SLC9A9: variants seen among roughly 807,000 people sequenced by gnomAD.
SLC9A9 encodes the protein solute carrier family 9 member A9, also known as sodium/hydrogen exchanger 9.
A neutral mutation model predicts 77.8 loss-of-function variants in SLC9A9; 62 were observed. The observed-to-expected ratio is 0.80, with a 90% CI of 0.65 to 0.98. The LOEUF is 0.98. Among genes scored for constraint, SLC9A9 ranks in the 50% least tolerant of loss-of-function variants. The pLI is 0.00. For synonymous variants in SLC9A9, 320 were observed against 283.5 expected (o/e 1.13, Z -1.29); for missense variants, 775 against 774.9 (o/e 1.00, Z 0.00).
At chr3:143,379,930 T>A (rs2033265836) in intron 13 of SLC9A9, among the ~76,000 whole-genome samples, 1 of 152,164 alleles carries the variant, frequency 6.6e-6, no homozygotes, top group African/African-American at 2.4e-5. Context: ...ATGTTACTAT[T>A]ATATGTGGTG....
chr3:143,440,572 G>A (rs1410537679), intron 12 of SLC9A9, among the ~76,000 whole-genome samples: 1 of 152,154 alleles, frequency 6.6e-6, no homozygotes, highest in African/African-American at 2.4e-5. Context: ...CATGGCTCAC[G>A]ATGCTCTTCA....
Position 143,608,639 on chromosome 3 carries a change from T to C in SLC9A9, c.756-29916A>G, listed in dbSNP as rs188469261. On this transcript the variant is annotated intron_variant, in intron 6 of 15. Transcript: ENST00000316549. ...GTACTGGTAGCTAAATGCAATGTAATTGAAACATATAAGTACAGTATAATA... is the reference window on the plus strand; with the variant it reads ...GTACTGGTAGCTAAATGCAATGTAACTGAAACATATAAGTACAGTATAATA... Among the ~76,000 whole-genome samples the C allele has an allele frequency of 3.0e-3, 460 of 152,298 alleles. 2 individuals carry two copies. The highest frequency in any genetic ancestry group is 9.4e-3 in the African/African-American group (392 of 41,570).
intron 4 of SLC9A9, among the ~76,000 whole-genome samples, chr3:143,775,411 T>C (rs2108843046): frequency 6.6e-6 from 1 of 152,356 alleles, no homozygotes; most frequent in Middle Eastern, 3.4e-3. Context: ...AGTTAATACC[T>C]AAGTCAACTC....
intron 5 of SLC9A9, among the ~76,000 whole-genome samples, chr3:143,672,078 A>C (rs547134782): frequency 6.6e-6 from 1 of 152,232 alleles, no homozygotes; most frequent in Non-Finnish European, 1.5e-5. Context: ...ATAATATGGC[A>C]TAAAACCATC....
intron 4 of SLC9A9, among the ~76,000 whole-genome samples, chr3:143,713,813 T>G (rs192598506): frequency 4.1e-4 from 62 of 152,246 alleles, no homozygotes; most frequent in African/African-American, 1.5e-3. Flanking sequence ...AAACTAAAAC[T>G]TTATGGTTTT....
chr3:143,353,413 G>T (rs182052604), intron 14 of SLC9A9, among the ~76,000 whole-genome samples: 1 of 152,308 alleles, frequency 6.6e-6, no homozygotes, highest in East Asian at 1.9e-4. Flanking sequence ...AGAGGCCTAA[G>T]AGAGCTTGTT....
At chr3:143,827,050 T>C (rs2009317877) in intron 2 of SLC9A9, among the ~76,000 whole-genome samples, 1 of 152,230 alleles carries the variant, frequency 6.6e-6, no homozygotes, top group Non-Finnish European at 1.5e-5. Context: ...GTTGAAAGAA[T>C]AAATGAATGA....
chr3:143,493,707 G>A lies in SLC9A9; in HGVS notation c.1261C>T (p.Leu421=). The A allele has an allele frequency of 2.5e-6, 4 of 1,614,118 alleles. No homozygotes were observed. Among genetic ancestry groups the A allele is most frequent in the Non-Finnish European group, 3.4e-6 (4 of 1,179,966 alleles). The change falls in exon 11 of 16, where the codon CTA becomes TTA. Residue 421 remains leucine, a synonymous_variant. Coordinates refer to ENST00000316549, the MANE Select transcript of SLC9A9 (RefSeq NM_173653.4). ...NIYPLSFLLN[L]GRKQKIPWNF... ...CAGGGGATCTTCTGTTTTCGGCCTA[G>A]ATTCAGGAGGAAGGAGAGGGGATAT...
chr3:143,281,312 G>C (rs993092464), intron 14 of SLC9A9, among the ~76,000 whole-genome samples: 2 of 152,108 alleles, frequency 1.3e-5, no homozygotes, highest in Non-Finnish European at 2.9e-5. Flanking sequence ...GAGCCACTAA[G>C]AGTTTAGAAA....
At chr3:143,300,778 G>A (rs1166524914) in intron 14 of SLC9A9, among the ~76,000 whole-genome samples, 1 of 152,212 alleles carries the variant, frequency 6.6e-6, no homozygotes, top group Non-Finnish European at 1.5e-5. Context: ...AGCCAAGTTG[G>A]AGTACCACTC....
chr3:143,417,291 C>T (rs2034212817), intron 12 of SLC9A9, among the ~76,000 whole-genome samples: 1 of 152,090 alleles, frequency 6.6e-6, no homozygotes, highest in Admixed American at 6.5e-5. Context: ...AATGCCCCTA[C>T]TATGGACTGA....
intron 13 of SLC9A9, among the ~76,000 whole-genome samples, chr3:143,375,379 G>A (rs1553748527): frequency 6.6e-6 from 1 of 152,156 alleles, no homozygotes; most frequent in Non-Finnish European, 1.5e-5. Context: ...TCATACACCT[G>A]TTTTTTAGGA....
chr3:143,431,671 TG>T (rs2034519956), intron 12 of SLC9A9, among the ~76,000 whole-genome samples: 1 of 151,958 alleles, frequency 6.6e-6, no homozygotes, highest in Admixed American at 6.6e-5. Flanking sequence ...TTAATAGATA[TG>T]GGGTTTTACC....
intron 2 of SLC9A9, 147 bp downstream of exon 2, chr3:143,831,872 C>G (rs1263352524): frequency 1.4e-6 from 1 of 725,354 alleles, no homozygotes; most frequent in East Asian, 2.7e-5. Context: ...GGTTTGACTC[C>G]TTAGTCAATT....
chr3:143,783,056 C>T (rs971186642), intron 4 of SLC9A9, among the ~76,000 whole-genome samples: 2 of 152,278 alleles, frequency 1.3e-5, no homozygotes, highest in East Asian at 3.9e-4. Flanking sequence ...TGTTATCTTG[C>T]TTCCTGCCTT....
intron 14 of SLC9A9, among the ~76,000 whole-genome samples, chr3:143,317,853 G>A (rs976673002): frequency 1.3e-5 from 2 of 151,980 alleles, no homozygotes; most frequent in Non-Finnish European, 2.9e-5. Flanking sequence ...TCAGCCTCCC[G>A]AGTAGCTGAG....
At chr3:143,530,670 C>CA (rs772355653) in intron 9 of SLC9A9, among the ~76,000 whole-genome samples, 4,005 of 141,904 alleles carry the variant, frequency 0.028, 179 homozygotes, top group African/African-American at 0.093. Context: ...AACAAACAAA[C>CA]AAACAAAAAC....
intron 4 of SLC9A9, among the ~76,000 whole-genome samples, chr3:143,766,008 A>C (rs1231911433): frequency 3.9e-5 from 6 of 152,204 alleles, no homozygotes; most frequent in African/African-American, 1.4e-4. Flanking sequence ...ATACCAGGCA[A>C]ATATTAGGCA....
At chr3:143,847,998 G>A (rs554852800) in intron 1 of SLC9A9, 150 bp downstream of exon 1, 21 of 822,780 alleles carry the variant, frequency 2.6e-5, no homozygotes, top group Non-Finnish European at 4.1e-5. Context: ...AAAGAGATTA[G>A]CATTCGTTAC....
Sources: allele counts gnomAD v4.1 joint callset (sites outside exome capture counted in the v4.1 genomes callset), GRCh38; gene constraint gnomAD v4.1.1; transcripts MANE v1.5; gene names NCBI Gene and HGNC (gene_info 2026-07-23, HGNC 2026-07-21).